Variants in ARHGAP24 observed in about 807,000 individuals in gnomAD.
ARHGAP24 encodes Rho GTPase activating protein 24, also known as rho GTPase-activating protein 24.
In ARHGAP24, 50 loss-of-function variants were observed where a neutral mutation model predicts 76.4. The ratio of observed to expected loss-of-function variants is 0.65; its 90% CI spans 0.52 to 0.83. The LOEUF is 0.83. ARHGAP24 is among the 40% of genes least tolerant of loss of function. The pLI, the probability that ARHGAP24 is intolerant of heterozygous loss-of-function variation, is 0.00. For missense variants in ARHGAP24, 930 were observed against 914.2 expected (o/e 1.02, Z -0.22); for synonymous variants, 345 against 323.3 (o/e 1.07, Z -0.72).
intron 2 of ARHGAP24, among the ~76,000 whole-genome samples, chr4:85,634,397 C>G (rs1458525372): frequency 1.3e-5 from 2 of 151,838 alleles, no homozygotes; most frequent in Non-Finnish European, 2.9e-5. Context: ...AGCTTTCTCT[C>G]AATTTTCAGG....
At chr4:85,708,030 C>A (rs536275768) in intron 2 of ARHGAP24, among the ~76,000 whole-genome samples, 5 of 152,064 alleles carry the variant, frequency 3.3e-5, no homozygotes, top group Non-Finnish European at 7.4e-5. Flanking sequence ...AGTTTTAGGT[C>A]AGAGGATTGC....
At chr4:85,796,055 A>G (rs1017270152) in intron 3 of ARHGAP24, among the ~76,000 whole-genome samples, 3 of 152,158 alleles carry the variant, frequency 2.0e-5, no homozygotes, top group Non-Finnish European at 4.4e-5. Flanking sequence ...TGCATGAAAC[A>G]TGTCCCTCAT....
At chr4:85,545,126 A>G (rs1725868297) in intron 1 of ARHGAP24, among the ~76,000 whole-genome samples, 1 of 150,994 alleles carries the variant, frequency 6.6e-6, no homozygotes, top group African/African-American at 2.4e-5. Context: ...TTTGAGATGG[A>G]GTTTTACTTG....
chr4:85,483,636 A>C (rs553966079), intron 1 of ARHGAP24, among the ~76,000 whole-genome samples: 2 of 152,244 alleles, frequency 1.3e-5, no homozygotes, highest in African/African-American at 4.8e-5. Context: ...TAAATAAACA[A>C]ACAAAAATAA....
At chr4:85,835,990 A>T (rs1224831936) in intron 3 of ARHGAP24, among the ~76,000 whole-genome samples, 3 of 152,310 alleles carry the variant, frequency 2.0e-5, no homozygotes, top group Non-Finnish European at 2.9e-5. Context: ...ATTTGTAGGT[A>T]AGAACAGTTT....
chr4:85,783,133 T>C (rs1169687391), intron 3 of ARHGAP24, among the ~76,000 whole-genome samples: 1 of 152,160 alleles, frequency 6.6e-6, no homozygotes, highest in Non-Finnish European at 1.5e-5. Flanking sequence ...TCAATAATAA[T>C]TCAGAAAGTG....
At chr4:85,894,164 T>C (rs1471280833) in intron 3 of ARHGAP24, among the ~76,000 whole-genome samples, 2 of 150,014 alleles carry the variant, frequency 1.3e-5, no homozygotes, top group Non-Finnish European at 3.0e-5. Flanking sequence ...GTGAAAATGG[T>C]GATTCTTATT....
chr4:85,588,238 T>C (rs1039949149), intron 2 of ARHGAP24, among the ~76,000 whole-genome samples: 6 of 152,250 alleles, frequency 3.9e-5, no homozygotes, highest in Non-Finnish European at 5.9e-5. Context: ...GATTGGGTTC[T>C]TCACAGAAGC....
chr4:85,695,224 C>T lies in ARHGAP24; in HGVS notation c.181-26661C>T, dbSNP rs114581258. 5.3e-3 allele frequency among the ~76,000 whole-genome samples: 806 copies of T among 152,310 alleles called. 7 individuals carry two copies. The highest frequency in any genetic ancestry group is 0.018 in the African/African-American group (762 of 41,578). Reference sequence around the variant, plus strand: ...TGGTTCCTGCATTTAGCCATCTCTACATAAAAAATTAAGTGATGCTGACAC... The same window carrying T: ...TGGTTCCTGCATTTAGCCATCTCTATATAAAAAATTAAGTGATGCTGACAC... On this transcript the variant is annotated intron_variant, in intron 2 of 9. Transcript: ENST00000395184.
chr4:85,883,989 CATA>C (rs1369986960), intron 3 of ARHGAP24, among the ~76,000 whole-genome samples: 1 of 152,096 alleles, frequency 6.6e-6, no homozygotes, highest in Non-Finnish European at 1.5e-5. Context: ...TTAAAACTCC[CATA>C]ATGTTTTGAG....
chr4:85,795,945 GTGCATTAAC>G (rs1445487133), intron 3 of ARHGAP24, among the ~76,000 whole-genome samples: 1 of 152,076 alleles, frequency 6.6e-6, no homozygotes, highest in East Asian at 1.9e-4. Context: ...ATCAATATAG[GTGCATTAAC>G]TGCTTAATGT....
At position 86,001,153 on chromosome 4, in the gene ARHGAP24, C is replaced by T. The variant is rs924472506; in HGVS notation, c.*431C>T. On this transcript the variant is annotated 3_prime_UTR_variant, in exon 10 of 10. Transcript: ENST00000395184. ...TCAATATTTTTATTTCCCTTTTTTG[C>T]TGAGGAAATGAAGATAAGCAAAAAT... The T allele has an allele frequency of 5.2e-6, 2 of 388,326 alleles. No individual in the cohort carries two copies. Among genetic ancestry groups the T allele is most frequent in the Admixed American group, 8.8e-5 (2 of 22,770 alleles). 24.1% of individuals were successfully genotyped at this position (388,326 alleles called of 1,614,324 possible).
intron 1 of ARHGAP24, among the ~76,000 whole-genome samples, chr4:85,565,498 A>G (rs1479370465): frequency 1.3e-5 from 2 of 152,164 alleles, no homozygotes; most frequent in Non-Finnish European, 1.5e-5. Context: ...CTGGGAACAC[A>G]TTTATACAGT....
At chr4:85,822,818 C>T (rs919608334) in intron 3 of ARHGAP24, among the ~76,000 whole-genome samples, 1 of 152,094 alleles carries the variant, frequency 6.6e-6, no homozygotes, top group African/African-American at 2.4e-5. Flanking sequence ...ATACACACAC[C>T]TGCCATATTC....
At chr4:85,664,153 T>C (rs1371710738) in intron 2 of ARHGAP24, among the ~76,000 whole-genome samples, 2 of 151,458 alleles carry the variant, frequency 1.3e-5, no homozygotes, top group Non-Finnish European at 2.9e-5. Context: ...GACTCTTTTT[T>C]GTTGGTAAGC....
At chr4:85,626,678 C>G in intron 2 of ARHGAP24, among the ~76,000 whole-genome samples, 1 of 152,172 alleles carries the variant, frequency 6.6e-6, no homozygotes. Context: ...TGTTTTCCAA[C>G]TTGGTTCCAT....
chr4:85,714,806 T>C (rs1190685988), intron 2 of ARHGAP24, among the ~76,000 whole-genome samples: 2 of 152,130 alleles, frequency 1.3e-5, no homozygotes, highest in African/African-American at 4.8e-5. Context: ...CAGGAATCTA[T>C]GTAACTAATT....
At chr4:85,812,263 C>T (rs1040211014) in intron 3 of ARHGAP24, among the ~76,000 whole-genome samples, 1 of 151,950 alleles carries the variant, frequency 6.6e-6, no homozygotes, top group Non-Finnish European at 1.5e-5. Flanking sequence ...TGTCACTTTT[C>T]CAAAAAATTA....
intron 3 of ARHGAP24, among the ~76,000 whole-genome samples, chr4:85,774,682 G>T (rs947200232): frequency 9.2e-5 from 14 of 152,128 alleles, no homozygotes; most frequent in Non-Finnish European, 2.9e-5. Context: ...AAGGTTACAG[G>T]TATCTTATGT....
Sources: allele counts gnomAD v4.1 joint callset (sites outside exome capture counted in the v4.1 genomes callset), GRCh38; gene constraint gnomAD v4.1.1; transcripts MANE v1.5; gene names NCBI Gene and HGNC (gene_info 2026-07-23, HGNC 2026-07-21).